The following NIBAN3 variants were observed in gnomAD, a reference collection of about 807,000 sequenced individuals.
NIBAN3 encodes protein Niban 3.
A neutral mutation model predicts 76.4 loss-of-function variants in NIBAN3; 66 were observed. The ratio of observed to expected loss-of-function variants is 0.86; its 90% confidence interval spans 0.71 to 1.06. NIBAN3 has a LOEUF of 1.06. Ranked by LOEUF, NIBAN3 falls within the 50% of genes least tolerant of loss-of-function variation. NIBAN3 has a pLI of 0.00. For missense variants in NIBAN3, 808 were observed against 810.7 expected, an observed-to-expected ratio of 1.00 and a Z score of 0.04; for synonymous variants, 360 against 355.2, an observed-to-expected ratio of 1.01 and a Z score of -0.15.
At chr19:17,532,032 T>G (rs1037055992) in intron 2 of NIBAN3, among the ~76,000 whole-genome samples, 1 of 152,200 alleles carries the variant, frequency 6.6e-6, no homozygotes, top group Admixed American at 6.5e-5. Context: ...CAGTTGGGGC[T>G]GAGATTTTTT....
chr19:17,549,473 G>T lies in NIBAN3; in HGVS notation c.1696G>T (p.Val566Leu). The change falls in exon 14 of 15, where the codon GTA (valine) becomes TTA (leucine). Residue 566 changes from valine to leucine, a missense_variant. Physicochemically the swap from Val to Leu is conservative, Grantham distance 32 (BLOSUM62 1). Transcript: ENST00000599164. ...ELKKTLGAND[V>L]SCTLDGCLEV... is the part of the protein sequence containing the mutation. ...GAAAAAGACCCTTGGTGCCAATGAT[G>T]TATCCTGCACTCTGGACGGCTGCTT... 6.2e-7 allele frequency: 1 copy of T among 1,613,782 alleles called. No individual in the cohort carries two copies. The highest frequency in any genetic ancestry group is 8.5e-7 in the Non-Finnish European group (1 of 1,179,778).
chr19:17,535,685 T>G (rs1251103996), intron 4 of NIBAN3, among the ~76,000 whole-genome samples: 1 of 149,130 alleles, frequency 6.7e-6, no homozygotes, highest in Non-Finnish European at 1.5e-5. Flanking sequence ...GAGGCAGAGG[T>G]TATAGTGAGC....
chr19:17,537,447 C>CTCTGTTCCTGCAGCA lies in NIBAN3; in HGVS notation c.499_500insTCTGTTCCTGCAGCA (p.Pro167delinsLeuCysSerCysSerThr). Reference sequence around the variant, plus strand: ...GAGCTTCCCGCTGTTCCTGCAGCACCCCTTCCGCCGGCACCTCTGCTTCTC... The same window carrying CTCTGTTCCTGCAGCA: ...GAGCTTCCCGCTGTTCCTGCAGCACCTCTGTTCCTGCAGCACCTTCCGCCGGCACCTCTGCTTCTC... On this transcript the variant is annotated protein_altering_variant, in exon 5 of 15. Transcript: ENST00000599164. 4 of 1,614,032 alleles carry CTCTGTTCCTGCAGCA rather than the reference C, an allele frequency of 2.5e-6. No individual in the cohort carries two copies. The highest frequency in any genetic ancestry group is 3.4e-6 in the Non-Finnish European group (4 of 1,180,016).
chr19:17,543,264 C>A, intron 10 of NIBAN3, 53 bp from the exon 11 acceptor site: 1 of 1,273,632 alleles, frequency 7.9e-7, no homozygotes, highest in Non-Finnish European at 1.1e-6. Context: ...AGGAGTGGGG[C>A]CCGGGAGGCT....
chr19:17,527,405 C>CGGGGAG lies in NIBAN3; in HGVS notation c.55+14_55+19dup, dbSNP rs1208162434. ...CGGCAGCACCTAAGGGGTGAGCAGC[C>CGGGGAG]GGGGAGGGGACAGGGTGGGAGTCCA... On this transcript the variant is annotated intron_variant, in intron 1 of 14. Coordinates refer to ENST00000599164, the MANE Select transcript of NIBAN3 (RefSeq NM_001321827.2). 4.1e-6 allele frequency: 3 copies of CGGGGAG among 729,716 alleles called. No individual in the cohort carries two copies. The highest frequency in any genetic ancestry group is 3.9e-4 in the Middle Eastern group (1 of 2,544). The allele number at this position is 729,716 out of a possible 1,614,324, so 45.2% of individuals were successfully genotyped here.
chr19:17,525,374 C>A (rs946980325), upstream of NIBAN3, among the ~76,000 whole-genome samples: 11 of 151,648 alleles, frequency 7.3e-5, no homozygotes, highest in African/African-American at 2.2e-4. Flanking sequence ...TTCATGCACA[C>A]GTTTATTCAT....
chr19:17,525,180 G>A (rs1192917329), upstream of NIBAN3, among the ~76,000 whole-genome samples: 1 of 152,116 alleles, frequency 6.6e-6, no homozygotes, highest in Non-Finnish European at 1.5e-5. Context: ...CAGTGTCCTT[G>A]AGAGGTCTTC....
intron 13 of NIBAN3, among the ~76,000 whole-genome samples, chr19:17,548,909 GA>G (rs1393164035): frequency 6.6e-6 from 1 of 151,784 alleles, no homozygotes; most frequent in Non-Finnish European, 1.5e-5. Flanking sequence ...CTGGGCGACA[GA>G]GCGAGACTCC....
At chr19:17,539,852 A>G in intron 8 of NIBAN3, 87 bp downstream of exon 8, 2 of 1,082,136 alleles carry the variant, frequency 1.8e-6, no homozygotes, top group East Asian at 2.9e-5. Flanking sequence ...AATGGGCTTG[A>G]AGTTATGTAA....
rs774719166 is a variant in NIBAN3 at position 17,530,843 on chromosome 19, G to T, written c.144G>T (p.Leu48=). The T allele has an allele frequency of 6.2e-7, 1 of 1,613,444 alleles. No homozygotes were observed. The highest frequency in any genetic ancestry group is 2.2e-5 in the East Asian group (1 of 44,846). Residue 48 remains leucine, a synonymous_variant, in exon 2 of 15, where the codon CTG becomes CTT. Coordinates refer to ENST00000599164, the MANE Select transcript of NIBAN3 (RefSeq NM_001321827.2). The part of the protein sequence containing the change: ...ASVLRQISRE[L]GPQEPTGSQL... ...TCCTGCGGCAGATCTCTCGAGAGCT[G>T]GGCCCTCAGGAGCCGACCGGAAGCC... is the stretch of plus-strand genomic sequence containing the variant.
upstream of NIBAN3, among the ~76,000 whole-genome samples, chr19:17,526,192 A>G (rs987954902): frequency 6.6e-5 from 10 of 151,976 alleles, no homozygotes; most frequent in African/African-American, 2.4e-4. Flanking sequence ...GGGCGCCTGT[A>G]ATCCCAGCTA....
chr19:17,539,849 T>C (rs2075908185), intron 8 of NIBAN3, 84 bp downstream of exon 8: 1 of 1,120,074 alleles, frequency 8.9e-7, no homozygotes, highest in South Asian at 1.5e-5. Context: ...AAGAATGGGC[T>C]TGAAGTTATG....
At chr19:17,534,493 T>C (rs1183979022) in intron 4 of NIBAN3, among the ~76,000 whole-genome samples, 1 of 151,066 alleles carries the variant, frequency 6.6e-6, no homozygotes, top group Non-Finnish European at 1.5e-5. Flanking sequence ...CTGTCTCTAC[T>C]AAAAATACAA....
chr19:17,538,156 C>T (rs1266749692), intron 5 of NIBAN3, among the ~76,000 whole-genome samples: 6 of 152,004 alleles, frequency 3.9e-5, no homozygotes, highest in African/African-American at 1.5e-4. Context: ...GTGGCTCACA[C>T]CTGTAATCCC....
chr19:17,534,978 AAG>A (rs1871999858), intron 4 of NIBAN3, among the ~76,000 whole-genome samples: 1 of 152,164 alleles, frequency 6.6e-6, no homozygotes, highest in Non-Finnish European at 1.5e-5. Flanking sequence ...TCACACAGTC[AAG>A]GGCAGAGCTA....
upstream of NIBAN3, chr19:17,527,107 C>G (rs2144659789): frequency 9.5e-7 from 1 of 1,054,266 alleles, no homozygotes; most frequent in Non-Finnish European, 1.3e-6. Context: ...CTCCCACACC[C>G]CACAACCTAA....
intron 1 of NIBAN3, among the ~76,000 whole-genome samples, chr19:17,530,505 C>G (rs2075699166): frequency 7.1e-6 from 1 of 139,920 alleles, no homozygotes; most frequent in Non-Finnish European, 1.5e-5. Context: ...TGCACTTCAG[C>G]CTGGCAACGG....
chr19:17,530,591 A>T (rs531134133), intron 1 of NIBAN3, among the ~76,000 whole-genome samples, 164 bp from the exon 2 acceptor site: 1 of 151,494 alleles, frequency 6.6e-6, no homozygotes, highest in African/African-American at 2.4e-5. Flanking sequence ...GGATGGAAAC[A>T]GGCATGGAGG....
intron 13 of NIBAN3, among the ~76,000 whole-genome samples, chr19:17,548,094 G>C (rs1397772970): frequency 6.6e-6 from 1 of 152,192 alleles, no homozygotes; most frequent in African/African-American, 2.4e-5. Context: ...TCCCGAGCTG[G>C]GAAGGAGCTC....
Sources: gnomAD v4.1 joint callset for allele counts (sites outside exome capture counted in the v4.1 genomes callset) on GRCh38, gnomAD v4.1.1 for gene constraint, MANE v1.5 for transcripts, NCBI Gene and HGNC (gene_info 2026-07-23, HGNC 2026-07-21) for gene names.